The following LMX1B variants were observed in gnomAD, a reference collection of about 807,000 sequenced individuals.
LMX1B encodes LIM homeobox transcription factor 1-beta.
A neutral mutation model predicts 51.4 loss-of-function variants in LMX1B; 12 were observed. That is an observed-to-expected ratio of 0.23 (90% CI 0.15 to 0.38). The LOEUF is 0.38. Ranked by LOEUF, LMX1B falls within the 10% of genes least tolerant of loss-of-function variation. The pLI is 1.00. For missense variants in LMX1B, 445 were observed against 571.1 expected, an observed-to-expected ratio of 0.78 and a Z score of 2.25; for synonymous variants, 237 against 235.4, an observed-to-expected ratio of 1.01 and a Z score of -0.06.
At position 126,614,473 on chromosome 9, in the gene LMX1B, G is replaced by A. The variant is rs1242987944; in HGVS notation, c.24G>A (p.Glu8=). ...CCATGGATATAGCAACAGGTCCCGA[G>A]TCGCTGGAGAGGTGCTTCCCTCGCG... MDIATGP[E]SLERCFPRGQ... is the part of the protein sequence containing the mutation. The change falls in exon 1 of 8, where the codon GAG becomes GAA. Residue 8 remains glutamate (E), a synonymous_variant. Coordinates refer to ENST00000373474, the MANE Select transcript of LMX1B (RefSeq NM_001174147.2). 2.5e-6 allele frequency: 4 copies of A among 1,587,518 alleles called. No individual in the cohort carries two copies. The highest frequency in any genetic ancestry group is 1.8e-5 in the Admixed American group (1 of 56,482).
rs1365345216 is a variant in LMX1B at position 126,678,309 on chromosome 9, C to CA, written c.327-12515dup. 3.5e-3 allele frequency among the ~76,000 whole-genome samples: 226 copies of CA among 65,484 alleles called. 1 individual carries two copies. Among genetic ancestry groups the CA allele is most frequent in the East Asian group, 0.015 (29 of 1,966 alleles). 43.0% of individuals were successfully genotyped at this position (65,484 alleles called of 152,430 possible). On this transcript the variant is annotated intron_variant, in intron 2 of 7. Transcript: ENST00000373474. ...TGGGCGACAGAGCGAGACTTCGTCT[C>CA]AAAAAAAAAAAACAAAAAACAAAAA... is the stretch of plus-strand genomic sequence containing the variant.
At chr9:126,628,250 C>T (rs1835569889) in intron 2 of LMX1B, among the ~76,000 whole-genome samples, 1 of 152,200 alleles carries the variant, frequency 6.6e-6, no homozygotes, top group African/African-American at 2.4e-5. Context: ...GCTAGGACCT[C>T]TCAAGACTCC....
intron 2 of LMX1B, among the ~76,000 whole-genome samples, chr9:126,623,402 C>T (rs1338539854): frequency 2.6e-5 from 4 of 152,204 alleles, no homozygotes; most frequent in Non-Finnish European, 5.9e-5. Flanking sequence ...GCAGTAGTGC[C>T]TCTAGAAGGG....
At chr9:126,689,251 G>T (rs1048386589) in intron 2 of LMX1B, among the ~76,000 whole-genome samples, 1 of 152,238 alleles carries the variant, frequency 6.6e-6, no homozygotes, top group African/African-American at 2.4e-5. Flanking sequence ...AGCATGCAGA[G>T]CTCCAAGTGG....
intron 2 of LMX1B, among the ~76,000 whole-genome samples, chr9:126,629,619 G>A (rs1835599287): frequency 6.6e-6 from 1 of 152,152 alleles, no homozygotes; most frequent in South Asian, 2.1e-4. Flanking sequence ...GTTGTTTGTT[G>A]AAGAAATGGC....
chr9:126,621,317 C>T (rs1032488523), intron 2 of LMX1B, among the ~76,000 whole-genome samples: 1 of 152,186 alleles, frequency 6.6e-6, no homozygotes. Context: ...GACCCAGGGC[C>T]CTTGGCTGTC....
chr9:126,691,241 A>G lies in LMX1B; in HGVS notation c.559+173A>G, dbSNP rs555057358. 1.4e-3 allele frequency among the ~76,000 whole-genome samples: 213 copies of G among 152,264 alleles called. 1 individual carries two copies. Among genetic ancestry groups the G allele is most frequent in the African/African-American group, 5.0e-3 (206 of 41,538 alleles). On this transcript the variant is annotated intron_variant, in intron 3 of 7. Transcript: ENST00000373474. ...CACTGACGTGTCCACCTGTGTGCAC[A>G]TGATACGAACATGCATCCCCCCAGG... is the stretch of plus-strand genomic sequence containing the variant.
At chr9:126,682,209 T>A (rs2118968989) in intron 2 of LMX1B, among the ~76,000 whole-genome samples, 1 of 149,596 alleles carries the variant, frequency 6.7e-6, no homozygotes, top group African/African-American at 2.5e-5. Flanking sequence ...ATTACAGGGG[T>A]CAGCCACAGA....
intron 2 of LMX1B, among the ~76,000 whole-genome samples, chr9:126,621,840 TTAAC>T (rs1416062799): frequency 6.6e-6 from 1 of 152,074 alleles, no homozygotes; most frequent in Admixed American, 6.6e-5. Context: ...TGTGTTTGCT[TTAAC>T]TACTGCTGCG....
rs1007875955 is a variant in LMX1B at position 126,615,091 on chromosome 9, G to A, written c.140-292G>A. ...GTCCCAGCCGGCCACCCTGCGCCGT[G>A]CTCGTTGTCATTTGTCTTAACACGG... On this transcript the variant is annotated intron_variant, in intron 1 of 7. Coordinates refer to ENST00000373474, the MANE Select transcript of LMX1B (RefSeq NM_001174147.2). The surrounding 1 kb of genome is among the most constrained non-coding windows in gnomAD (Gnocchi z 6.0). 6.6e-6 allele frequency among the ~76,000 whole-genome samples: 1 copy of A among 152,032 alleles called. No homozygotes were observed. The highest frequency in any genetic ancestry group is 2.1e-4 in the South Asian group (1 of 4,826).
intron 2 of LMX1B, among the ~76,000 whole-genome samples, chr9:126,631,811 T>C (rs1173128907): frequency 6.6e-6 from 1 of 152,164 alleles, no homozygotes; most frequent in Non-Finnish European, 1.5e-5. Flanking sequence ...CAAAGTTTAC[T>C]AAGGACCAGA....
At chr9:126,662,461 G>A (rs1477977637) in intron 2 of LMX1B, among the ~76,000 whole-genome samples, 4 of 152,194 alleles carry the variant, frequency 2.6e-5, no homozygotes, top group African/African-American at 9.6e-5. Flanking sequence ...TTTGCTTGAG[G>A]GTAGTGGCAG....
intron 2 of LMX1B, among the ~76,000 whole-genome samples, chr9:126,639,882 G>A (rs994891435): frequency 2.0e-5 from 3 of 152,212 alleles, no homozygotes; most frequent in African/African-American, 7.2e-5. Context: ...CTCCAGGGAC[G>A]GCTGCCACTA....
intron 2 of LMX1B, among the ~76,000 whole-genome samples, chr9:126,666,409 G>T (rs569835774): frequency 1.1e-3 from 163 of 152,302 alleles, no homozygotes; most frequent in South Asian, 5.6e-3. Flanking sequence ...GAGGCTGATG[G>T]GATTAGGGAG....
chr9:126,634,296 G>C (rs1293880518), intron 2 of LMX1B, among the ~76,000 whole-genome samples: 4 of 152,188 alleles, frequency 2.6e-5, no homozygotes, highest in Non-Finnish European at 4.4e-5. Flanking sequence ...TTGCCCAGCA[G>C]TGACGGGGTC....
chr9:126,700,815 T>A lies in LMX1B; in HGVS notation c.*4364T>A, dbSNP rs1020488922. 2.6e-5 allele frequency: 4 copies of A among 152,210 alleles called. No homozygotes were observed. Among genetic ancestry groups the A allele is most frequent in the African/African-American group, 9.7e-5 (4 of 41,446 alleles). 9.4% of individuals were successfully genotyped at this position (152,210 alleles called of 1,614,324 possible). A position where few individuals can be genotyped will look rare whatever the true frequency, so the allele number is the denominator to read the frequency against. Reference sequence around the variant, plus strand: ...GGCCACCGGCCATTCCTGTTTTCCTTGTACAGACAGATTCTCACTACCCAC... The same window carrying A: ...GGCCACCGGCCATTCCTGTTTTCCTAGTACAGACAGATTCTCACTACCCAC... On this transcript the variant is annotated 3_prime_UTR_variant, in exon 8 of 8. Coordinates refer to ENST00000373474, the MANE Select transcript of LMX1B (RefSeq NM_001174147.2).
intron 2 of LMX1B, among the ~76,000 whole-genome samples, chr9:126,678,282 C>G (rs1212360976): frequency 6.6e-6 from 1 of 150,626 alleles, no homozygotes; most frequent in Non-Finnish European, 1.5e-5. Context: ...TGCACCCCAG[C>G]CTGGGCGACA....
intron 2 of LMX1B, among the ~76,000 whole-genome samples, chr9:126,647,972 C>T (rs1588278756): frequency 1.3e-5 from 2 of 152,230 alleles, no homozygotes; most frequent in East Asian, 1.9e-4. Context: ...CTGTGCCCTC[C>T]CACTCTGCTC....
Position 126,614,567 on chromosome 9 carries a change from G to A in LMX1B, c.118G>A (p.Ala40Thr), listed in dbSNP as rs760533573. The part of the protein sequence containing the change: ...MEEHALRPGP[A>T]TLGVLLGSDC... ...GGAGCACGCCCTGCGCCCCGGGCCC[G>A]CCACTCTGGGGGTGCTGCTGGGTGA... The change falls in exon 1 of 8, where the codon GCC becomes ACC. Residue 40 changes from alanine to threonine, a missense_variant. Ala to Thr is a moderately conservative substitution (Grantham distance 58). Around this residue, in one of 3 missense-constraint regions of LMX1B, gnomAD observed 273 missense variants for 343.3 expected, o/e 0.80. Coordinates refer to ENST00000373474, the MANE Select transcript of LMX1B (RefSeq NM_001174147.2). 3 of 1,601,742 alleles carry A rather than the reference G, an allele frequency of 1.9e-6. No homozygotes were observed. Among genetic ancestry groups the A allele is most frequent in the Non-Finnish European group, 2.6e-6 (3 of 1,174,644 alleles).
Sources: allele counts gnomAD v4.1 joint callset (sites outside exome capture counted in the v4.1 genomes callset), GRCh38; gene constraint gnomAD v4.1.1; regional missense constraint gnomAD v4.1.1; non-coding constraint Gnocchi (gnomAD v3.1); transcripts MANE v1.5; gene names NCBI Gene and HGNC (gene_info 2026-07-23, HGNC 2026-07-21).